EPRS1: variants seen among roughly 807,000 people sequenced by gnomAD.
The protein encoded by EPRS1 is bifunctional glutamate/proline--tRNA ligase.
Under a neutral mutation model 188.3 loss-of-function variants are expected in EPRS1, and 107 were observed. The ratio of observed to expected loss-of-function variants is 0.57; its 90% CI spans 0.49 to 0.67. EPRS1 has a LOEUF of 0.67. Among genes scored for constraint, EPRS1 ranks in the 30% least tolerant of loss-of-function variants. The pLI is 0.00. For missense variants in EPRS1, 1,577 were observed against 1,802.2 expected (o/e 0.88, Z 2.26); for synonymous variants, 596 against 593.1 (o/e 1.00, Z -0.07).
intron 18 of EPRS1, among the ~76,000 whole-genome samples, chr1:219,994,884 C>T (rs1661202463): frequency 6.6e-6 from 1 of 151,998 alleles, no homozygotes; most frequent in African/African-American, 2.4e-5. Context: ...GATCTCCTGA[C>T]CTTATGATCT....
chr1:220,025,750 G>A (rs539565123), intron 6 of EPRS1, among the ~76,000 whole-genome samples: 21 of 151,930 alleles, frequency 1.4e-4, no homozygotes, highest in African/African-American at 4.3e-4. Flanking sequence ...AGTAAAAGCC[G>A]CTTTACTTCT....
intron 13 of EPRS1, among the ~76,000 whole-genome samples, chr1:220,008,842 A>AT (rs1223778954): frequency 1.3e-5 from 2 of 152,060 alleles, no homozygotes; most frequent in East Asian, 1.9e-4. Flanking sequence ...TGCCTGGTTA[A>AT]TTTTTTTATT....
intron 9 of EPRS1, among the ~76,000 whole-genome samples, chr1:220,021,959 G>C (rs1369565215): frequency 6.6e-6 from 1 of 151,508 alleles, no homozygotes; most frequent in Non-Finnish European, 1.5e-5. Context: ...CTCCTGTATT[G>C]TTCATATTTC....
At chr1:219,996,869 T>C (rs926443625) in intron 18 of EPRS1, 114 bp downstream of exon 18, 12 of 1,157,370 alleles carry the variant, frequency 1.0e-5, no homozygotes, top group African/African-American at 3.1e-5. Flanking sequence ...CAATCAATGT[T>C]GATTATTACA....
chr1:220,043,026 A>G (rs1461603101), intron 1 of EPRS1, among the ~76,000 whole-genome samples: 1 of 152,224 alleles, frequency 6.6e-6, no homozygotes, highest in Non-Finnish European at 1.5e-5. Flanking sequence ...CACATATGAG[A>G]ATATAAGAAT....
Position 220,046,436 on chromosome 1 carries a change from G to C in EPRS1, c.-48C>G, listed in dbSNP as rs770246762. ...CTGTCAGTACGCCTGGCTCGTGCCAGAACTACGGAGGACCCCGCGAAAGGA... is the reference window on the plus strand; with the variant it reads ...CTGTCAGTACGCCTGGCTCGTGCCACAACTACGGAGGACCCCGCGAAAGGA... On this transcript the variant is annotated 5_prime_UTR_variant, in exon 1 of 32. Transcript: ENST00000366923. 4 of 1,611,088 alleles carry C rather than the reference G, an allele frequency of 2.5e-6. No homozygotes were observed. The highest frequency in any genetic ancestry group is 2.2e-5 in the South Asian group (2 of 90,658).
Position 219,980,901 on chromosome 1 carries a change from T to C in EPRS1, c.3454-44A>G, listed in dbSNP as rs751222839. Reference sequence around the variant, plus strand: ...CAATTTAGTCATTATAAAGAGCTTTTCAATTTTTTTTTTTTGGAGACAGGG... The same window carrying C: ...CAATTTAGTCATTATAAAGAGCTTTCCAATTTTTTTTTTTTGGAGACAGGG... On this transcript the variant is annotated intron_variant, in intron 24 of 31. Coordinates refer to ENST00000366923, the MANE Select transcript of EPRS1 (RefSeq NM_004446.3). The C allele has an allele frequency of 2.4e-5, 33 of 1,351,742 alleles. 1 individual carries two copies. In the Admixed American group the frequency reaches 6.2e-4, roughly 26 times the overall value. The allele number at this position is 1,351,742 out of a possible 1,614,324, so 83.7% of individuals were successfully genotyped here.
Position 220,033,539 on chromosome 1 carries a change from C to A in EPRS1, c.351G>T (p.Leu117Phe). Residue 117 changes from leucine to phenylalanine, a missense_variant, in exon 4 of 32, where the codon TTG (leucine) becomes TTT (phenylalanine). Physicochemically the swap from Leu to Phe is conservative, Grantham distance 22. Transcript: ENST00000366923. The part of the protein sequence containing the change: ...SLRTYLVGNS[L>F]SLADLCVWAT... ...CCCAAACACATAAATCTGCTAAACT[C>A]AAGGAGTTTCCAACTAAGTATGTTC... The A allele has an allele frequency of 6.2e-7, 1 of 1,612,608 alleles. No homozygotes were observed. The highest frequency in any genetic ancestry group is 8.5e-7 in the Non-Finnish European group (1 of 1,179,058).
chr1:220,030,336 G>C, intron 6 of EPRS1, 50 bp downstream of exon 6: 1 of 1,224,434 alleles, frequency 8.2e-7, no homozygotes. Flanking sequence ...CTGTTTTAAA[G>C]CTTTCCCACT....
intron 8 of EPRS1, 34 bp downstream of exon 8, chr1:220,024,230 A>G (rs1398720936): frequency 7.4e-7 from 1 of 1,358,786 alleles, no homozygotes; most frequent in Non-Finnish European, 1.0e-6. Flanking sequence ...ACAATATAAG[A>G]ATATCAATTA....
At chr1:220,032,874 G>C (rs1027468624) in intron 4 of EPRS1, among the ~76,000 whole-genome samples, 1 of 150,810 alleles carries the variant, frequency 6.6e-6, no homozygotes, top group African/African-American at 2.5e-5. Flanking sequence ...TTCCACAGCT[G>C]TGTGTGTGTG....
Position 220,025,122 on chromosome 1 carries a change from T to C in EPRS1, c.750+10A>G, listed in dbSNP as rs2102592058. 6.2e-7 allele frequency: 1 copy of C among 1,612,140 alleles called. No individual in the cohort carries two copies. Among genetic ancestry groups the C allele is most frequent in the South Asian group, 1.1e-5 (1 of 91,010 alleles). ...TTCTGGCAAAGGGTCATCACTACAC[T>C]TTTAATTACCTTCTCAAAATCTTCC... On this transcript the variant is annotated intron_variant, in intron 7 of 31. Coordinates refer to ENST00000366923, the MANE Select transcript of EPRS1 (RefSeq NM_004446.3).
chr1:219,997,110 G>A lies in EPRS1; in HGVS notation c.2414C>T (p.Pro805Leu). ...AGAAATATTCTGTCCTATTTCAGCAGGAGGGTTTCCAGGTTTATATTCCTG... is the reference window on the plus strand; with the variant it reads ...AGAAATATTCTGTCCTATTTCAGCAAGAGGGTTTCCAGGTTTATATTCCTG... ...TGQEYKPGNP[P>L]AEIGQNISSN... is the part of the protein sequence containing the mutation. Residue 805 changes from proline (P) to leucine (L), a missense_variant, in exon 18 of 32, where the codon CCT (proline) becomes CTT (leucine). By Grantham distance (98) the Pro-to-Leu change is moderately conservative. Around this residue, in one of 3 missense-constraint regions of EPRS1, gnomAD observed 1,278 missense variants for 1,457.4 expected, o/e 0.88. Coordinates refer to ENST00000366923, the MANE Select transcript of EPRS1 (RefSeq NM_004446.3). 1.9e-6 allele frequency: 3 copies of A among 1,614,058 alleles called. No individual in the cohort carries two copies. Among genetic ancestry groups the A allele is most frequent in the Non-Finnish European group, 2.5e-6 (3 of 1,179,978 alleles).
rs200180155 is a variant in EPRS1, at chr1:220,040,247, G to C, written c.69C>G (p.His23Gln). ...PPLGALLAVE[H>Q]VKDDVSISVE... is the part of the protein sequence containing the mutation. ...CGGAAATGCTGACATCGTCTTTCAC[G>C]TGTTCTACTGCCAGCAAAGCTCCTA... Residue 23 changes from histidine (H) to glutamine (Q), a missense_variant, in exon 2 of 32, where the codon CAC becomes CAG. By Grantham distance (24) the His-to-Gln change is conservative. Coordinates refer to ENST00000366923, the MANE Select transcript of EPRS1 (RefSeq NM_004446.3). 4 of 1,606,270 alleles carry C rather than the reference G, an allele frequency of 2.5e-6. No individual in the cohort carries two copies.
At chr1:220,039,902 C>T (rs535324775) in intron 2 of EPRS1, among the ~76,000 whole-genome samples, 68 of 152,118 alleles carry the variant, frequency 4.5e-4, no homozygotes, top group Non-Finnish European at 4.4e-4. Context: ...ATGCTGAGGC[C>T]GGAGGATGGC....
At chr1:220,024,509 C>T (rs930259007) in intron 7 of EPRS1, 53 bp from the exon 8 acceptor site, 5 of 1,274,148 alleles carry the variant, frequency 3.9e-6, no homozygotes, top group Non-Finnish European at 5.5e-6. Context: ...TTTTTTCGTG[C>T]ATTTTCAACC....
intron 17 of EPRS1, among the ~76,000 whole-genome samples, chr1:219,999,295 A>G (rs576700284): frequency 4.7e-4 from 72 of 152,252 alleles, no homozygotes; most frequent in African/African-American, 1.7e-3. Flanking sequence ...GTGGCAGTCA[A>G]CTGTACCTGA....
intron 6 of EPRS1, among the ~76,000 whole-genome samples, chr1:220,027,813 T>C (rs966133820): frequency 3.3e-5 from 5 of 151,740 alleles, no homozygotes; most frequent in African/African-American, 7.3e-5. Flanking sequence ...CGGAACTCTG[T>C]CTCTACTAAA....
rs1662151008 is a variant in EPRS1, at chr1:220,034,983, T to C, written c.162A>G (p.Ile54Met). The change falls in exon 3 of 32, where the codon ATA (isoleucine) becomes ATG (methionine). Residue 54 changes from isoleucine to methionine, a missense_variant. Ile to Met is a conservative substitution (Grantham distance 10, BLOSUM62 1). This residue lies in a region of EPRS1 where 1,278 missense variants were observed against 1,457.4 expected (regional missense o/e 0.88). Transcript: ENST00000366923. ...TTGCAACTCTAGCCAAGTAGCGAAGTATAGAATTCACATCTGTGAATATCA... is the reference window on the plus strand; with the variant it reads ...TTGCAACTCTAGCCAAGTAGCGAAGCATAGAATTCACATCTGTGAATATCA... Reference protein sequence around the residue: ...ENVIFTDVNSILRYLARVATT... With the variant: ...ENVIFTDVNSMLRYLARVATT... The C allele has an allele frequency of 1.3e-6, 2 of 1,596,668 alleles. No homozygotes were observed. Among genetic ancestry groups the C allele is most frequent in the African/African-American group, 1.3e-5 (1 of 74,172 alleles).
Sources: gnomAD v4.1 joint callset for allele counts (sites outside exome capture counted in the v4.1 genomes callset) on GRCh38, gnomAD v4.1.1 for gene constraint, gnomAD v4.1.1 regional missense constraint, MANE v1.5 for transcripts, NCBI Gene and HGNC (gene_info 2026-07-23, HGNC 2026-07-21) for gene names.